The following GLYATL2 variants were observed in gnomAD, a reference collection of about 807,000 sequenced individuals.
GLYATL2 encodes the protein glycine N-acyltransferase-like protein 2.
Under a neutral mutation model 21.4 loss-of-function variants are expected in GLYATL2, and 25 were observed. The ratio of observed to expected loss-of-function variants is 1.17; its 90% CI spans 0.85 to 1.63. GLYATL2 has a LOEUF of 1.63. Among genes scored for constraint, GLYATL2 ranks in the 40% most tolerant of loss-of-function variants. The pLI is 0.00. For missense variants in GLYATL2, 361 were observed against 343.3 expected (o/e 1.05, Z -0.41); for synonymous variants, 114 against 118.2 (o/e 0.96, Z 0.23).
chr11:58,850,746 G>A (rs995989930), intron 1 of GLYATL2, among the ~76,000 whole-genome samples: 1 of 152,032 alleles, frequency 6.6e-6, no homozygotes, highest in Admixed American at 6.6e-5. Context: ...AGGAAAGGGA[G>A]TCTCCCTTTC....
intron 1 of GLYATL2, among the ~76,000 whole-genome samples, chr11:58,873,883 C>T (rs1160665117): frequency 2.6e-5 from 4 of 152,120 alleles, no homozygotes; most frequent in African/African-American, 9.7e-5. Flanking sequence ...CCTTGTACTT[C>T]TGGTAGAATT....
rs1853383051 is a variant in GLYATL2, at chr11:58,834,265, A to G, written c.*164T>C. Reference sequence around the variant, plus strand: ...AAAATTGAGCTTCTAATTTTCTGTAAGAATACAGAGGAGAAGGAAGGTAAA... The same window carrying G: ...AAAATTGAGCTTCTAATTTTCTGTAGGAATACAGAGGAGAAGGAAGGTAAA... On this transcript the variant is annotated 3_prime_UTR_variant, in exon 6 of 6. Coordinates refer to ENST00000287275, the MANE Select transcript of GLYATL2 (RefSeq NM_145016.4). The G allele has an allele frequency of 4.2e-6, 2 of 475,842 alleles. No individual in the cohort carries two copies. Among genetic ancestry groups the G allele is most frequent in the Non-Finnish European group, 7.1e-6 (2 of 280,862 alleles). The allele number at this position is 475,842 out of a possible 1,614,324, so 29.5% of individuals were successfully genotyped here.
At chr11:58,872,942 G>A (rs1292165721) in intron 1 of GLYATL2, among the ~76,000 whole-genome samples, 1 of 152,148 alleles carries the variant, frequency 6.6e-6, no homozygotes, top group African/African-American at 2.4e-5. Context: ...CCATTCGTTT[G>A]TATCCTCTTT....
intron 1 of GLYATL2, among the ~76,000 whole-genome samples, chr11:58,889,032 C>A (rs540051935): frequency 6.7e-6 from 1 of 148,558 alleles, no homozygotes; most frequent in East Asian, 2.0e-4. Context: ...TTTTTTTTCA[C>A]TTTTTTCAGT....
At chr11:58,879,198 A>T (rs565159596) in intron 1 of GLYATL2, among the ~76,000 whole-genome samples, 1 of 151,880 alleles carries the variant, frequency 6.6e-6, no homozygotes, top group African/African-American at 2.4e-5. Context: ...TCAATCTTGC[A>T]TAAAAATAAA....
intron 1 of GLYATL2, among the ~76,000 whole-genome samples, chr11:58,874,999 A>T (rs1335479978): frequency 2.0e-5 from 3 of 152,158 alleles, no homozygotes; most frequent in Non-Finnish European, 4.4e-5. Flanking sequence ...TATATTTAGG[A>T]TAGTTAGTTC....
chr11:58,838,263 G>A lies in GLYATL2; in HGVS notation c.184C>T (p.Gln62Ter). Residue 62 changes from glutamine to a stop codon, truncating the protein, a stop_gained and splice_region_variant, in exon 3 of 6, where the codon CAG (glutamine) becomes TAG (stop). Transcript: ENST00000287275. LOFTEE classifies it high-confidence loss of function. Reference protein sequence around the residue: ...YQIVITRPQKQEMKDDQDHYT... With the variant: ...YQIVITRPQK ...TATTCAGTAACTATTGCTCCTACCT[G>A]TTTCTGAGGCCGGGTAATGACGATC... 6.2e-7 allele frequency: 1 copy of A among 1,604,532 alleles called. No individual in the cohort carries two copies. Among genetic ancestry groups the A allele is most frequent in the Non-Finnish European group, 8.5e-7 (1 of 1,171,588 alleles).
intron 1 of GLYATL2, among the ~76,000 whole-genome samples, chr11:58,890,090 C>A (rs763992950): frequency 1.1e-4 from 17 of 152,016 alleles, no homozygotes; most frequent in South Asian, 8.3e-4. Context: ...GTTTTCTAAC[C>A]CAGCCCCTTT....
intron 1 of GLYATL2, among the ~76,000 whole-genome samples, chr11:58,878,684 A>T (rs1326770445): frequency 6.6e-6 from 1 of 152,196 alleles, no homozygotes; most frequent in Non-Finnish European, 1.5e-5. Context: ...GCACCTGGGT[A>T]GGAAAAATCA....
At chr11:58,908,576 T>G (rs1013590464), upstream of GLYATL2, 3 of 184,086 alleles carry the variant, frequency 1.6e-5, no homozygotes, top group Admixed American at 5.0e-5. Flanking sequence ...AACTCCTCAC[T>G]GGAGAGATAG....
In GLYATL2 at chr11:58,857,867, A is replaced by T. The variant is rs140054391; in HGVS notation, n.61-19499T>A. On this transcript the variant is annotated intron_variant and non_coding_transcript_variant, in intron 1 of 4. Transcript: ENST00000533636. ...GTCTCCTGACTTACCTGCTACCCTC[A>T]TTCCCTACTCTTTTCCCCTCCAAAA... is the stretch of plus-strand genomic sequence containing the variant. Among the ~76,000 whole-genome samples, 219 of 132,506 alleles carry T rather than the reference A, an allele frequency of 1.7e-3. 1 individual carries two copies. Among genetic ancestry groups the T allele is most frequent in the African/African-American group, 6.2e-3 (210 of 33,632 alleles). The allele number at this position is 132,506 out of a possible 152,430, so 86.9% of individuals were successfully genotyped here.
intron 1 of GLYATL2, among the ~76,000 whole-genome samples, chr11:58,871,387 A>G (rs963060460): frequency 4.0e-5 from 6 of 151,160 alleles, no homozygotes; most frequent in Non-Finnish European, 7.4e-5. Flanking sequence ...GCACCCATTA[A>G]CTCATCATTT....
chr11:58,892,337 TGGA>T (rs1442816174), intron 1 of GLYATL2: 1 of 155,294 alleles, frequency 6.4e-6, no homozygotes, highest in Non-Finnish European at 1.4e-5. Flanking sequence ...GATACTCCCT[TGGA>T]GGAGTCTGAA....
At chr11:58,848,772 T>TA (rs36000210), upstream of GLYATL2, among the ~76,000 whole-genome samples, 134,844 of 152,122 alleles carry the variant, frequency 0.89, 60,943 homozygotes, top group Non-Finnish European at 0.98. Flanking sequence ...GAGATGGAGA[T>TA]GGGGTAGAAA....
chr11:58,893,971 C>T (rs1217317060), intron 1 of GLYATL2, among the ~76,000 whole-genome samples: 1 of 152,122 alleles, frequency 6.6e-6, no homozygotes, highest in Admixed American at 6.5e-5. Flanking sequence ...AAGCCTAAGA[C>T]AAATGGCTTT....
chr11:58,906,442 G>A (rs546923150), upstream of GLYATL2, among the ~76,000 whole-genome samples: 4 of 152,238 alleles, frequency 2.6e-5, no homozygotes, highest in African/African-American at 9.6e-5. Context: ...ATCAGGGAAT[G>A]GAACAGGAGA....
chr11:58,897,442 G>T (rs796896791), intron 1 of GLYATL2, among the ~76,000 whole-genome samples: 2 of 152,218 alleles, frequency 1.3e-5, no homozygotes, highest in African/African-American at 4.8e-5. Context: ...CTATAAGGGT[G>T]CCAACCTTTT....
intron 1 of GLYATL2, among the ~76,000 whole-genome samples, chr11:58,857,076 T>G (rs1853841173): frequency 6.6e-6 from 1 of 152,216 alleles, no homozygotes; most frequent in African/African-American, 2.4e-5. Context: ...AGCTCTATTT[T>G]TAGCTTTTTG....
chr11:58,892,941 T>C (rs1434807715), intron 1 of GLYATL2: 1 of 297,070 alleles, frequency 3.4e-6, no homozygotes, highest in Non-Finnish European at 6.6e-6. Flanking sequence ...ATTCCTTTCT[T>C]GTGATGAATA....
Sources: gnomAD v4.1 joint callset for allele counts (sites outside exome capture counted in the v4.1 genomes callset) on GRCh38, gnomAD v4.1.1 for gene constraint, MANE v1.5 for transcripts, NCBI Gene and HGNC (gene_info 2026-07-23, HGNC 2026-07-21) for gene names.